GALNT14: variants seen among roughly 807,000 people sequenced by gnomAD.
The protein encoded by GALNT14 is polypeptide N-acetylgalactosaminyltransferase 14, also known as UDP-GalNAc:polypeptide N-acetylgalactosaminyltransferase 14.
GALNT14 carries 60 observed loss-of-function variants against 77.5 expected under a neutral mutation model. The ratio of observed to expected loss-of-function variants is 0.77; its 90% CI spans 0.63 to 0.96. GALNT14 has a LOEUF of 0.96. Ranked by LOEUF, GALNT14 falls within the 40% of genes least tolerant of loss-of-function variation. The pLI is 0.00. For synonymous variants in GALNT14, 280 were observed against 281.7 expected, an observed-to-expected ratio of 0.99 and a Z score of 0.06; for missense variants, 710 against 731.0, an observed-to-expected ratio of 0.97 and a Z score of 0.33.
intron 13 of GALNT14, among the ~76,000 whole-genome samples, chr2:30,919,737 C>A (rs1194592490): frequency 6.6e-6 from 1 of 152,144 alleles, no homozygotes; most frequent in African/African-American, 2.4e-5. Flanking sequence ...CAAGGGGGAC[C>A]ATTTAGTTGG....
Position 30,945,855 on chromosome 2 carries a change from C to A in GALNT14, c.670G>T (p.Val224Leu), listed in dbSNP as rs775873822. The A allele has an allele frequency of 1.9e-6, 3 of 1,614,116 alleles. No homozygotes were observed. The highest frequency in any genetic ancestry group is 2.5e-6 in the Non-Finnish European group (3 of 1,179,990). Residue 224 changes from valine to leucine, a missense_variant, in exon 7 of 15, where the codon GTG becomes TTG. Coordinates refer to ENST00000349752, the MANE Select transcript of GALNT14 (RefSeq NM_024572.4). ...TTAATGATATCGATCACAGGGCACA[C>A]CACCCGCGTGTAGTCCTGTAAGACA... ...HRVKEDYTRV[V>L]CPVIDIINLD...
intron 1 of GALNT14, among the ~76,000 whole-genome samples, chr2:31,049,599 T>C (rs781266078): frequency 6.6e-6 from 1 of 151,664 alleles, no homozygotes. Context: ...AGGTCAGAGG[T>C]TGGGGGAGAT....
chr2:31,069,159 T>C (rs1481949701), intron 1 of GALNT14, among the ~76,000 whole-genome samples: 2 of 152,220 alleles, frequency 1.3e-5, no homozygotes, highest in African/African-American at 4.8e-5. Flanking sequence ...ATGTAGATTA[T>C]ATCTCAAAAA....
intron 3 of GALNT14, among the ~76,000 whole-genome samples, chr2:30,964,083 G>A (rs904585873): frequency 6.6e-6 from 1 of 152,214 alleles, no homozygotes; most frequent in African/African-American, 2.4e-5. Context: ...GTGTGTGATG[G>A]TGTCAGGGGA....
At chr2:31,010,325 C>T (rs1440595092) in intron 1 of GALNT14, among the ~76,000 whole-genome samples, 2 of 152,162 alleles carry the variant, frequency 1.3e-5, no homozygotes, top group East Asian at 1.9e-4. Flanking sequence ...TGTGGCTGGG[C>T]GTGGTAGCTC....
intron 1 of GALNT14, among the ~76,000 whole-genome samples, chr2:31,057,372 GTGTA>G (rs777028814): frequency 0.16 from 12,245 of 78,540 alleles, 613 homozygotes; most frequent in Middle Eastern, 0.2. Context: ...GTGTGTGTGT[GTGTA>G]TATATATATA....
At chr2:30,982,384 G>C (rs528456621) in intron 2 of GALNT14, among the ~76,000 whole-genome samples, 1 of 152,146 alleles carries the variant, frequency 6.6e-6, no homozygotes. Flanking sequence ...AGCAGCTCTC[G>C]TCATAAAAGC....
At chr2:30,948,100 A>C (rs1666812130) in intron 6 of GALNT14, among the ~76,000 whole-genome samples, 1 of 152,182 alleles carries the variant, frequency 6.6e-6, no homozygotes, top group Admixed American at 6.5e-5. Flanking sequence ...ATCCACACAA[A>C]TACCTGGACG....
At chr2:31,061,008 C>T (rs575125296) in intron 1 of GALNT14, among the ~76,000 whole-genome samples, 273 of 152,270 alleles carry the variant, frequency 1.8e-3, no homozygotes, top group Non-Finnish European at 3.4e-3. Context: ...CTGATCTTCC[C>T]TTCTCTTTCC....
At chr2:30,939,573 G>C (rs747029350) in intron 9 of GALNT14, among the ~76,000 whole-genome samples, 2 of 152,122 alleles carry the variant, frequency 1.3e-5, no homozygotes, top group Non-Finnish European at 2.9e-5. Context: ...GCCAGGCCCG[G>C]AAGGGGTGGG....
chr2:30,958,905 G>A (rs1667524411), intron 3 of GALNT14, among the ~76,000 whole-genome samples: 1 of 152,186 alleles, frequency 6.6e-6, no homozygotes, highest in African/African-American at 2.4e-5. Flanking sequence ...CTGACAAGGA[G>A]CTTTGATTGT....
downstream of GALNT14, among the ~76,000 whole-genome samples, chr2:30,907,022 A>T (rs1664162035): frequency 6.6e-6 from 1 of 152,236 alleles, no homozygotes; most frequent in Admixed American, 6.5e-5. Context: ...GAGAACAAAG[A>T]CACAACACAC....
chr2:31,038,158 G>C lies in GALNT14; in HGVS notation c.130-45151C>G, dbSNP rs1383474404. ...CACCCAGGCTGGAGTGCAGTGGCAC[G>C]ATCTCAGCTTACTGCAACCCCCGCC... On this transcript the variant is annotated intron_variant, in intron 1 of 14. Coordinates refer to ENST00000349752, the MANE Select transcript of GALNT14 (RefSeq NM_024572.4). 3.0e-5 allele frequency among the ~76,000 whole-genome samples: 4 copies of C among 134,000 alleles called. No homozygotes were observed. In the South Asian group the frequency reaches 1.0e-3, roughly 34 times the overall value. The allele number at this position is 134,000 out of a possible 152,430, so 87.9% of individuals were successfully genotyped here. A position where few individuals can be genotyped will look rare whatever the true frequency, so the allele number is the denominator to read the frequency against.
rs571713932 is a variant in GALNT14 at position 30,953,508 on chromosome 2, C to T, written c.654+2110G>A. Among the ~76,000 whole-genome samples, 9 of 152,224 alleles carry T rather than the reference C, an allele frequency of 5.9e-5. No individual in the cohort carries two copies. In the East Asian group the frequency reaches 1.7e-3, roughly 29 times the overall value. ...TATTTTTAGTAGAGACAGGGTTTCG[C>T]CATGTTGGCCAGGATGGTCTCAATC... On this transcript the variant is annotated intron_variant, in intron 6 of 14. Transcript: ENST00000349752.
At chr2:30,994,502 G>C (rs1189259727) in intron 1 of GALNT14, among the ~76,000 whole-genome samples, 1 of 152,158 alleles carries the variant, frequency 6.6e-6, no homozygotes, top group Non-Finnish European at 1.5e-5. Flanking sequence ...GCATTCTCCT[G>C]CTAATAGCAT....
chr2:31,062,123 G>C (rs980935826), intron 1 of GALNT14, among the ~76,000 whole-genome samples: 1 of 152,116 alleles, frequency 6.6e-6, no homozygotes, highest in Non-Finnish European at 1.5e-5. Flanking sequence ...GTATACATGT[G>C]CCATGGTGGT....
chr2:30,968,235 A>G (rs1668130760), intron 2 of GALNT14, among the ~76,000 whole-genome samples: 1 of 152,244 alleles, frequency 6.6e-6, no homozygotes, highest in South Asian at 2.1e-4. Flanking sequence ...AAAGTAAGTC[A>G]GGAAGTGCGT....
At chr2:31,076,731 C>G (rs13394045) in intron 1 of GALNT14, among the ~76,000 whole-genome samples, 1 of 151,218 alleles carries the variant, frequency 6.6e-6, no homozygotes, top group East Asian at 1.9e-4. Context: ...TACTGTCTTA[C>G]TGATTTAGAC....
the GALNT14 span, among the ~76,000 whole-genome samples, chr2:30,887,287 GA>G: frequency 6.6e-6 from 1 of 152,050 alleles, no homozygotes. Flanking sequence ...AACTTTTTGA[GA>G]AACCACCAAA....
Sources: gnomAD v4.1 joint callset for allele counts (sites outside exome capture counted in the v4.1 genomes callset) on GRCh38, gnomAD v4.1.1 for gene constraint, MANE v1.5 for transcripts, NCBI Gene and HGNC (gene_info 2026-07-23, HGNC 2026-07-21) for gene names.